Variants in CADPS observed in about 807,000 individuals in gnomAD.
CADPS encodes the protein calcium-dependent secretion activator 1.
CADPS carries 57 observed loss-of-function variants against 167.3 expected under a neutral mutation model. The ratio of observed to expected loss-of-function variants is 0.34; its 90% CI spans 0.28 to 0.42. The LOEUF (loss-of-function observed/expected upper bound fraction) is 0.42. CADPS is among the 20% of genes least tolerant of loss of function. The probability of loss-of-function intolerance (pLI) is 1.00; values close to 1 mark genes in which losing one functional copy is unlikely to be tolerated. For missense variants in CADPS, 1,414 were observed against 1,738.1 expected (o/e 0.81, Z 3.32); for synonymous variants, 676 against 635.3 (o/e 1.06, Z -0.96).
At chr3:62,760,321 C>T (rs2085086526) in intron 2 of CADPS, among the ~76,000 whole-genome samples, 1 of 152,176 alleles carries the variant, frequency 6.6e-6, no homozygotes, top group South Asian at 2.1e-4. Flanking sequence ...GCAACTAAGG[C>T]TCAGACATAG....
At chr3:62,539,541 G>A (rs2075338624) in intron 11 of CADPS, among the ~76,000 whole-genome samples, 1 of 151,814 alleles carries the variant, frequency 6.6e-6, no homozygotes, top group African/African-American at 2.4e-5. Context: ...AAAAAAGAAG[G>A]AGGAGTAAGC....
At chr3:62,489,977 T>A (rs2063438503) in intron 21 of CADPS, among the ~76,000 whole-genome samples, 1 of 152,152 alleles carries the variant, frequency 6.6e-6, no homozygotes, top group African/African-American at 2.4e-5. Context: ...TTTCTTGGTA[T>A]TTGCAAAGGA....
intron 3 of CADPS, among the ~76,000 whole-genome samples, chr3:62,721,834 G>A (rs79218608): frequency 0.036 from 5,520 of 152,218 alleles, 131 homozygotes; most frequent in South Asian, 0.092. Flanking sequence ...TGCAAATGAG[G>A]AAACAGAGGT....
chr3:62,616,598 A>T (rs1231893452), intron 6 of CADPS, among the ~76,000 whole-genome samples: 1 of 152,168 alleles, frequency 6.6e-6, no homozygotes, highest in Non-Finnish European at 1.5e-5. Flanking sequence ...TAATCACGTT[A>T]CAGCACATCT....
In CADPS at chr3:62,550,114, A is replaced by C. The variant is rs2077084588; in HGVS notation, c.1755T>G (p.Gly585=). Residue 585 remains glycine, a splice_region_variant and synonymous_variant, in exon 11 of 30, where the codon GGT becomes GGG. Coordinates refer to ENST00000383710, the MANE Select transcript of CADPS (RefSeq NM_003716.4). ...TGAAGAAGGCTCGGCCACCCTCCAAACCTGGAAGAAAAGGGAGTAACAACT... is the reference window on the plus strand; with the variant it reads ...TGAAGAAGGCTCGGCCACCCTCCAACCCTGGAAGAAAAGGGAGTAACAACT... ...YTVDYTDPQP[G]LEGGRAFFNA... The C allele has an allele frequency of 1.9e-6, 3 of 1,613,012 alleles. No homozygotes were observed. The highest frequency in any genetic ancestry group is 2.5e-6 in the Non-Finnish European group (3 of 1,179,224).
chr3:62,400,565 T>C (rs555612606), intron 29 of CADPS, among the ~76,000 whole-genome samples: 1 of 151,110 alleles, frequency 6.6e-6, no homozygotes, highest in East Asian at 1.9e-4. Context: ...CTAACATACG[T>C]CAACACCACT....
At chr3:62,539,986 G>A (rs9860329) in intron 11 of CADPS, among the ~76,000 whole-genome samples, 23 of 152,122 alleles carry the variant, frequency 1.5e-4, no homozygotes, top group African/African-American at 5.6e-4. Flanking sequence ...TCCACCTTCA[G>A]AGGACTGTTG....
At chr3:62,519,034 ATATACTC>A (rs2069739682) in intron 13 of CADPS, among the ~76,000 whole-genome samples, 1 of 152,174 alleles carries the variant, frequency 6.6e-6, no homozygotes, top group South Asian at 2.1e-4. Flanking sequence ...GTGCATACAT[ATATACTC>A]TATTTGTTAT....
At chr3:62,867,430 G>A (rs2081907492) in intron 1 of CADPS, among the ~76,000 whole-genome samples, 3 of 152,054 alleles carry the variant, frequency 2.0e-5, no homozygotes, top group Non-Finnish European at 4.4e-5. Flanking sequence ...TTCTATCCAT[G>A]TTACTTTTGT....
chr3:62,443,630 C>T lies in CADPS; in HGVS notation c.3669+2135G>A, dbSNP rs1030307808. On this transcript the variant is annotated intron_variant, in intron 27 of 29. Coordinates refer to ENST00000383710, the MANE Select transcript of CADPS (RefSeq NM_003716.4). ...GTTCTCAGGAGATGTCATGGTTTTA[C>T]GGGGGCTTTTTTCCTTTCACTCATT... 4.6e-5 allele frequency among the ~76,000 whole-genome samples: 7 copies of T among 152,158 alleles called. No homozygotes were observed. In the East Asian group the frequency reaches 5.8e-4, roughly 13 times the overall value.
intron 11 of CADPS, among the ~76,000 whole-genome samples, chr3:62,537,313 G>A (rs866637486): frequency 6.6e-6 from 1 of 152,302 alleles, no homozygotes; most frequent in African/African-American, 2.4e-5. Flanking sequence ...TAGTCTCAAT[G>A]TATTCACACT....
chr3:62,693,970 A>G (rs554538628), intron 3 of CADPS, among the ~76,000 whole-genome samples: 23 of 152,144 alleles, frequency 1.5e-4, no homozygotes, highest in African/African-American at 5.5e-4. Flanking sequence ...GTCACAAAGG[A>G]TATCACAAGA....
chr3:62,489,485 A>G (rs1459026018), intron 21 of CADPS, among the ~76,000 whole-genome samples: 2 of 152,214 alleles, frequency 1.3e-5, no homozygotes, highest in Non-Finnish European at 2.9e-5. Context: ...GAAATTTAAC[A>G]GATTATAAAA....
At chr3:62,703,706 C>G (rs1363051374) in intron 3 of CADPS, among the ~76,000 whole-genome samples, 3 of 152,032 alleles carry the variant, frequency 2.0e-5, no homozygotes, top group African/African-American at 7.3e-5. Flanking sequence ...AGGAGACCAG[C>G]AAAGGTCACA....
chr3:62,522,846 A>T (rs1245322465), intron 13 of CADPS, among the ~76,000 whole-genome samples: 1 of 152,188 alleles, frequency 6.6e-6, no homozygotes, highest in African/African-American at 2.4e-5. Context: ...GACAATATGC[A>T]GGTCAAGCGC....
chr3:62,866,927 G>A (rs1161152499), intron 1 of CADPS, among the ~76,000 whole-genome samples: 1 of 151,964 alleles, frequency 6.6e-6, no homozygotes, highest in Non-Finnish European at 1.5e-5. Context: ...AGCTGACCAG[G>A]AATTTGAACC....
chr3:62,743,525 T>A (rs1279646173), intron 3 of CADPS, among the ~76,000 whole-genome samples: 1 of 152,192 alleles, frequency 6.6e-6, no homozygotes, highest in South Asian at 2.1e-4. Flanking sequence ...AACAACTTTT[T>A]AAAAATTTTG....
At chr3:62,838,639 G>C (rs2076229568) in intron 1 of CADPS, among the ~76,000 whole-genome samples, 1 of 152,264 alleles carries the variant, frequency 6.6e-6, no homozygotes, top group East Asian at 1.9e-4. Context: ...TTGTTAGTTT[G>C]TAACCTCTCT....
At chr3:62,783,526 G>A (rs1296426681) in intron 1 of CADPS, among the ~76,000 whole-genome samples, 1 of 152,152 alleles carries the variant, frequency 6.6e-6, no homozygotes, top group African/African-American at 2.4e-5. Flanking sequence ...CCTGGGGTCT[G>A]GAGCTAGACA....
Sources: allele counts gnomAD v4.1 joint callset (sites outside exome capture counted in the v4.1 genomes callset), GRCh38; gene constraint gnomAD v4.1.1; transcripts MANE v1.5; gene names NCBI Gene and HGNC (gene_info 2026-07-23, HGNC 2026-07-21).